The following USH1C variants were observed in gnomAD, a reference collection of about 807,000 sequenced individuals.
The protein encoded by USH1C is USH1 protein network component harmonin, also known as harmonin.
A neutral mutation model predicts 119.3 loss-of-function variants in USH1C; 90 were observed. The ratio of observed to expected loss-of-function variants is 0.75; its 90% confidence interval spans 0.64 to 0.90. USH1C has a LOEUF of 0.90. Among genes scored for constraint, USH1C ranks in the 40% least tolerant of loss-of-function variants. The probability of loss-of-function intolerance (pLI) is 0.00; values close to 1 mark genes in which losing one functional copy is unlikely to be tolerated. For missense variants in USH1C, 1,165 were observed against 1,167.7 expected, an observed-to-expected ratio of 1.00 and a Z score of 0.03; for synonymous variants, 465 against 443.3, an observed-to-expected ratio of 1.05 and a Z score of -0.62.
chr11:17,509,133 G>A (rs1849757973), intron 18 of USH1C, among the ~76,000 whole-genome samples: 1 of 152,166 alleles, frequency 6.6e-6, no homozygotes, highest in Non-Finnish European at 1.5e-5. Context: ...TACCCCAAAG[G>A]TCCCAGGCCA....
rs1437315335 is a variant in USH1C, at chr11:17,509,706, G to C, written c.1663C>G (p.Pro555Ala). 2 of 1,600,244 alleles carry C rather than the reference G, an allele frequency of 1.2e-6. No individual in the cohort carries two copies. Among genetic ancestry groups the C allele is most frequent in the African/African-American group, 2.7e-5 (2 of 74,822 alleles). Residue 555 changes from proline (P) to alanine (A), a missense_variant, in exon 18 of 27, where the codon CCC becomes GCC. Coordinates refer to ENST00000005226, the MANE Select transcript of USH1C (RefSeq NM_153676.4). ...ACAGGCAAGGCAGAGGGAGTCTTGG[G>C]GGGATAGTAGAACATGTCCAAAGGG... ...DIPLDMFYYP[P>A]KTPSALPVMP... is the part of the protein sequence containing the mutation.
intron 4 of USH1C, among the ~76,000 whole-genome samples, chr11:17,530,802 C>A (rs761441253): frequency 6.6e-6 from 1 of 152,174 alleles, no homozygotes; most frequent in Non-Finnish European, 1.5e-5. Context: ...GCTTTCTTTC[C>A]CCCTGCTGGT....
intron 1 of USH1C, 38 bp from the exon 2 acceptor site, chr11:17,533,360 A>C: frequency 2.9e-6 from 4 of 1,400,962 alleles, no homozygotes; most frequent in Non-Finnish European, 3.0e-6. Context: ...CTCCAGGCTC[A>C]GCACCCGCCC....
rs1292596745 is a variant in USH1C, at chr11:17,504,527, G to A, written c.2184+120C>T. Reference sequence around the variant, plus strand: ...AGGACACAGCTCTGGCCTGAGGCTTGGTGGCAGATGGGGCCACCATGGACC... The same window carrying A: ...AGGACACAGCTCTGGCCTGAGGCTTAGTGGCAGATGGGGCCACCATGGACC... On this transcript the variant is annotated intron_variant, in intron 20 of 26. Transcript: ENST00000005226. 11 of 1,095,328 alleles carry A rather than the reference G, an allele frequency of 1.0e-5. No individual in the cohort carries two copies. The East Asian group carries it at 1.2e-4, about 12-fold the overall frequency. The allele number at this position is 1,095,328 out of a possible 1,614,324, so 67.9% of individuals were successfully genotyped here.
intron 20 of USH1C, among the ~76,000 whole-genome samples, chr11:17,503,505 G>A (rs548613479): frequency 4.7e-4 from 72 of 152,284 alleles, no homozygotes; most frequent in African/African-American, 1.6e-3. Flanking sequence ...TGATATTCAC[G>A]CCCAAGGTCA....
chr11:17,509,933 T>C, intron 17 of USH1C, 95 bp from the exon 18 acceptor site: 1 of 1,434,356 alleles, frequency 7.0e-7, no homozygotes, highest in Non-Finnish European at 9.4e-7. Context: ...TCTGTTTCTC[T>C]TGCTACTGGA....
intron 1 of USH1C, among the ~76,000 whole-genome samples, chr11:17,534,043 C>T (rs878545): frequency 0.1 from 15,486 of 152,306 alleles, 967 homozygotes; most frequent in South Asian, 0.26. Context: ...TCAATCCCAG[C>T]GGGAGGCCCT....
At chr11:17,519,409 A>G (rs1022630043) in intron 14 of USH1C, among the ~76,000 whole-genome samples, 1 of 152,188 alleles carries the variant, frequency 6.6e-6, no homozygotes, top group Non-Finnish European at 1.5e-5. Context: ...TTATTCAAAG[A>G]GCTTGATTTG....
At chr11:17,495,432 C>A in intron 26 of USH1C, 137 bp downstream of exon 26, 1 of 908,484 alleles carries the variant, frequency 1.1e-6, no homozygotes, top group South Asian at 1.3e-5. Context: ...ACAGCAGGCC[C>A]CAGGCAGCAC....
rs766327614 is a variant in USH1C at position 17,526,363 on chromosome 11, G to A, written c.658C>T (p.Arg220Ter). 9.9e-6 allele frequency: 16 copies of A among 1,613,660 alleles called. No homozygotes were observed. Among genetic ancestry groups the A allele is most frequent in the Admixed American group, 5.0e-5 (3 of 59,988 alleles). ...GCCACCCACCTGCAGCCAAGGCCTC[G>A]GGAGCCTACCAGGCTGATGAAGACC... ...KKVFISLVGSRGLGCSISSGP... is the reference protein window; with the variant it reads ...KKVFISLVGS Residue 220 changes from arginine (R) to a stop codon, truncating the protein, a stop_gained, in exon 8 of 27, where the codon CGA becomes TGA. Transcript: ENST00000005226. LOFTEE classifies it high-confidence loss of function.
chr11:17,526,858 T>G (rs1850703582), intron 6 of USH1C, 48 bp from the exon 7 acceptor site: 1 of 1,604,650 alleles, frequency 6.2e-7, no homozygotes, highest in South Asian at 1.1e-5. Context: ...GAGAGACGTT[T>G]GAGGAACCAG....
chr11:17,532,444 C>T (rs958372309), intron 2 of USH1C, among the ~76,000 whole-genome samples: 3 of 152,028 alleles, frequency 2.0e-5, no homozygotes, highest in East Asian at 1.9e-4. Context: ...ACTACAGGCA[C>T]GCGCCACCAT....
At chr11:17,501,447 G>A (rs765522476) in intron 22 of USH1C, 35 bp downstream of exon 22, 2 of 1,605,730 alleles carry the variant, frequency 1.2e-6, no homozygotes, top group Admixed American at 3.4e-5. Context: ...CACAGAGAGG[G>A]ATGGCGGCCC....
At chr11:17,496,903 C>A in intron 24 of USH1C, 90 bp from the exon 25 acceptor site, 1 of 1,508,890 alleles carries the variant, frequency 6.6e-7, no homozygotes, top group Non-Finnish European at 9.1e-7. Context: ...GGCCCCATGG[C>A]CTAGGATCAG....
chr11:17,523,949 A>G (rs893428468), intron 9 of USH1C, among the ~76,000 whole-genome samples: 1 of 152,244 alleles, frequency 6.6e-6, no homozygotes, highest in Non-Finnish European at 1.5e-5. Context: ...TCCCCATCTT[A>G]CAGGTAAGCA....
At chr11:17,511,873 C>T (rs748846620) in intron 16 of USH1C, 29 bp downstream of exon 16, 60 of 1,602,644 alleles carry the variant, frequency 3.7e-5, no homozygotes, top group Non-Finnish European at 4.7e-5. Flanking sequence ...CCCAGGGTTG[C>T]TTGCCTGGCC....
At chr11:17,494,820 C>G (rs753314004) in intron 26 of USH1C, 9 of 277,420 alleles carry the variant, frequency 3.2e-5, no homozygotes, top group Non-Finnish European at 5.6e-5. Context: ...CCACACCAAA[C>G]ACCAGTTTCA....
rs148040278 is a variant in USH1C at position 17,493,910 on chromosome 11, A to ATG, written c.*421_*422insCA. 6.1e-5 allele frequency: 5 copies of ATG among 81,888 alleles called. No individual in the cohort carries two copies. In the African/African-American group the frequency reaches 6.6e-4, roughly 11 times the overall value. 5.1% of individuals were successfully genotyped at this position (81,888 alleles called of 1,614,324 possible). A position where few individuals can be genotyped will look rare whatever the true frequency, so the allele number is the denominator to read the frequency against. ...CTCACTCCTATAAGCTGGAAAATAA[A>ATG]TCTATTTTATTAATGAGCTCAGAGT... On this transcript the variant is annotated 3_prime_UTR_variant, in exon 27 of 27. Transcript: ENST00000005226.
At position 17,526,759 on chromosome 11, in the gene USH1C, T is replaced by C. The variant is rs2133895540; in HGVS notation, c.573A>G (p.Glu191=). The C allele has an allele frequency of 6.2e-7, 1 of 1,614,136 alleles. No homozygotes were observed. The highest frequency in any genetic ancestry group is 1.1e-5 in the South Asian group (1 of 91,068). The change falls in exon 7 of 27, where the codon GAA becomes GAG. Residue 191 remains glutamate, a synonymous_variant. Coordinates refer to ENST00000005226, the MANE Select transcript of USH1C (RefSeq NM_153676.4). ...TWQYVDQFVS[E]SGGVRGSLGS... Reference sequence around the variant, plus strand: ...CAGGAGGTCTGGCCCTTACCCCAGATTCCGACACAAACTGATCCACATACT... The same window carrying C: ...CAGGAGGTCTGGCCCTTACCCCAGACTCCGACACAAACTGATCCACATACT...
Sources: gnomAD v4.1 joint callset for allele counts (sites outside exome capture counted in the v4.1 genomes callset) on GRCh38, gnomAD v4.1.1 for gene constraint, MANE v1.5 for transcripts, NCBI Gene and HGNC (gene_info 2026-07-23, HGNC 2026-07-21) for gene names.